Variants in PDE8B observed in about 807,000 individuals in gnomAD.
PDE8B encodes phosphodiesterase 8B, also known as high affinity cAMP-specific and IBMX-insensitive 3',5'-cyclic phosphodiesterase 8B.
PDE8B carries 26 observed loss-of-function variants against 101.3 expected under a neutral mutation model. That is an observed-to-expected ratio of 0.26 (90% CI 0.19 to 0.36). PDE8B has a LOEUF of 0.36. Among genes scored for constraint, PDE8B ranks in the 10% least tolerant of loss-of-function variants. The probability of loss-of-function intolerance (pLI) is 1.00; values close to 1 mark genes in which losing one functional copy is unlikely to be tolerated. For synonymous variants in PDE8B, 424 were observed against 429.3 expected (o/e 0.99, Z 0.15); for missense variants, 810 against 1,163.1 (o/e 0.70, Z 4.42).
chr5:77,146,772 C>T, the PDE8B span: 2 of 310,884 alleles, frequency 6.4e-6, no homozygotes, highest in African/African-American at 2.2e-5. Context: ...GAACAAGGCT[C>T]GTTATGAAAG....
chr5:77,322,654 T>C (rs558999899), intron 2 of PDE8B, among the ~76,000 whole-genome samples: 1 of 152,192 alleles, frequency 6.6e-6, no homozygotes. Context: ...AGGCATTTGC[T>C]CACACGTCAC....
intron 11 of PDE8B, among the ~76,000 whole-genome samples, chr5:77,404,484 A>G (rs1174452373): frequency 6.6e-6 from 1 of 152,234 alleles, no homozygotes; most frequent in East Asian, 1.9e-4. Context: ...ATACTAAGCT[A>G]TATTACTATG....
intron 6 of PDE8B, among the ~76,000 whole-genome samples, chr5:77,342,598 G>A (rs999968489): frequency 6.6e-6 from 1 of 151,744 alleles, no homozygotes; most frequent in Non-Finnish European, 1.5e-5. Context: ...CTTTTTATTG[G>A]GATTCTTTAA....
chr5:77,249,695 G>A (rs1349059188), intron 1 of PDE8B, among the ~76,000 whole-genome samples: 1 of 152,234 alleles, frequency 6.6e-6, no homozygotes, highest in Admixed American at 6.5e-5. Flanking sequence ...GAGAATTGGG[G>A]AAGGTGTTAG....
intron 1 of PDE8B, among the ~76,000 whole-genome samples, chr5:77,263,523 T>A (rs1398617272): frequency 6.6e-6 from 1 of 152,160 alleles, no homozygotes; most frequent in Non-Finnish European, 1.5e-5. Flanking sequence ...TACTGAAAAA[T>A]GAAATTACAG....
chr5:77,286,733 A>G (rs1766095086), intron 1 of PDE8B, among the ~76,000 whole-genome samples: 1 of 152,164 alleles, frequency 6.6e-6, no homozygotes. Flanking sequence ...CTATCTTACT[A>G]TTTATATTAT....
At chr5:77,249,926 G>T (rs1757726510) in intron 1 of PDE8B, among the ~76,000 whole-genome samples, 1 of 152,242 alleles carries the variant, frequency 6.6e-6, no homozygotes, top group South Asian at 2.1e-4. Context: ...GTCGATGCAA[G>T]CCTCGTACAA....
upstream of PDE8B, among the ~76,000 whole-genome samples, chr5:77,206,723 C>T (rs774698025): frequency 1.4e-4 from 21 of 152,136 alleles, no homozygotes; most frequent in Middle Eastern, 3.2e-3. Flanking sequence ...ACTAGATTCA[C>T]TTTCTTTGAA....
At chr5:77,184,760 G>T in the PDE8B span, among the ~76,000 whole-genome samples, 2 of 152,014 alleles carry the variant, frequency 1.3e-5, no homozygotes, top group Non-Finnish European at 2.9e-5. Flanking sequence ...CAGGAGGATT[G>T]CTTGAGGCCA....
chr5:77,145,453 G>C, the PDE8B span: 2 of 152,172 alleles, frequency 1.3e-5, no homozygotes, highest in African/African-American at 4.8e-5. Flanking sequence ...TAGAGAAAAA[G>C]CTAAGTAGTG....
intron 10 of PDE8B, among the ~76,000 whole-genome samples, chr5:77,398,894 C>T (rs1009464064): frequency 3.3e-5 from 5 of 152,200 alleles, no homozygotes; most frequent in African/African-American, 1.2e-4. Context: ...CCTGGCTTAC[C>T]ACACGTCAGA....
At chr5:77,241,856 C>T (rs1755829309) in intron 1 of PDE8B, among the ~76,000 whole-genome samples, 2 of 152,326 alleles carry the variant, frequency 1.3e-5, no homozygotes, top group Non-Finnish European at 2.9e-5. Context: ...ATTTTAAGAA[C>T]AGCTGCTGTA....
the PDE8B span, among the ~76,000 whole-genome samples, chr5:77,181,381 G>C: frequency 6.6e-6 from 1 of 152,146 alleles, no homozygotes; most frequent in Non-Finnish European, 1.5e-5. Flanking sequence ...CGTTCCGCTA[G>C]GCGTTCAGAG....
chr5:77,095,438 G>C, the PDE8B span, among the ~76,000 whole-genome samples: 50 of 152,302 alleles, frequency 3.3e-4, no homozygotes, highest in African/African-American at 1.2e-3. Context: ...TCAAAGAAAT[G>C]ATCCCATTGT....
At chr5:77,100,820 A>G in the PDE8B span, among the ~76,000 whole-genome samples, 1 of 152,152 alleles carries the variant, frequency 6.6e-6, no homozygotes, top group Admixed American at 6.5e-5. Context: ...GTGTTCAGAC[A>G]TCCACACAAG....
chr5:77,089,865 T>A, the PDE8B span, among the ~76,000 whole-genome samples: 2 of 152,296 alleles, frequency 1.3e-5, no homozygotes, highest in Admixed American at 1.3e-4. Flanking sequence ...AGCCACACTA[T>A]TCACAATAGC....
At chr5:77,408,494 C>T (rs1793936002) in intron 13 of PDE8B, among the ~76,000 whole-genome samples, 1 of 152,024 alleles carries the variant, frequency 6.6e-6, no homozygotes, top group South Asian at 2.1e-4. Flanking sequence ...AATGTACAAG[C>T]CTGGAGGTCA....
intron 1 of PDE8B, among the ~76,000 whole-genome samples, chr5:77,227,882 G>A (rs757507733): frequency 1.3e-5 from 2 of 152,204 alleles, no homozygotes; most frequent in Non-Finnish European, 2.9e-5. Context: ...AGTTGGAGGA[G>A]TTGAAAGGGA....
the PDE8B span, among the ~76,000 whole-genome samples, chr5:77,094,064 G>A: frequency 6.6e-6 from 1 of 152,192 alleles, no homozygotes; most frequent in South Asian, 2.1e-4. Flanking sequence ...TAAGGTGTCA[G>A]CTGGGCTATG....
Sources: gnomAD v4.1 joint callset for allele counts (sites outside exome capture counted in the v4.1 genomes callset) on GRCh38, gnomAD v4.1.1 for gene constraint, MANE v1.5 for transcripts, NCBI Gene and HGNC (gene_info 2026-07-23, HGNC 2026-07-21) for gene names.